The following HTT variants were observed in gnomAD, a reference collection of about 807,000 sequenced individuals.
HTT encodes the protein huntingtin, also known as huntington disease protein.
Under a neutral mutation model 362.3 loss-of-function variants are expected in HTT, and 104 were observed. The observed-to-expected ratio is 0.29, with a 90% confidence interval of 0.24 to 0.34. HTT has a LOEUF of 0.34. Among genes scored for constraint, HTT ranks in the 10% least tolerant of loss-of-function variants. The pLI, the probability that HTT is intolerant of heterozygous loss-of-function variation, is 1.00. For synonymous variants in HTT, 1,577 were observed against 1,548.7 expected (o/e 1.02, Z -0.43); for missense variants, 3,301 against 3,928.6 (o/e 0.84, Z 4.27).
chr4:3,101,160 A>C (rs1714132922), intron 3 of HTT, among the ~76,000 whole-genome samples: 1 of 152,174 alleles, frequency 6.6e-6, no homozygotes. Flanking sequence ...AAACTGTTCT[A>C]ATATTGGTCA....
Position 3,172,433 on chromosome 4 carries a change from G to C in HTT, c.3942+36G>C, listed in dbSNP as rs766258972. 36 of 1,365,588 alleles carry C rather than the reference G, an allele frequency of 2.6e-5. No individual in the cohort carries two copies. In the Middle Eastern group the frequency reaches 7.1e-4, roughly 27 times the overall value. The allele number at this position is 1,365,588 out of a possible 1,614,324, so 84.6% of individuals were successfully genotyped here. ...CATTCTTTTCCTCTTCTGTTAAGAC[G>C]TTCGGGTATGACAGCAAAACGCTGC... On this transcript the variant is annotated intron_variant, in intron 30 of 66. Coordinates refer to ENST00000355072, the MANE Select transcript of HTT (RefSeq NM_001388492.1).
At position 3,078,747 on chromosome 4, in the gene HTT, T is replaced by TC. The variant is rs34468472; in HGVS notation, c.263+3664dup. Among the ~76,000 whole-genome samples the TC allele has an allele frequency of 5.2e-3, 751 of 145,550 alleles. 5 individuals carry two copies. The highest frequency in any genetic ancestry group is 0.018 in the African/African-American group (681 of 37,114). Reference sequence around the variant, plus strand: ...CCATGCCTGGGTAATTTTTTTTTTTTCCCCCGAGACGGAGTCTTGCTCTGT... The same window carrying TC: ...CCATGCCTGGGTAATTTTTTTTTTTTCCCCCCGAGACGGAGTCTTGCTCTGT... On this transcript the variant is annotated intron_variant, in intron 1 of 66. Transcript: ENST00000355072.
chr4:3,223,744 G>A (rs1252850268), intron 55 of HTT, among the ~76,000 whole-genome samples, 184 bp downstream of exon 55: 7 of 152,208 alleles, frequency 4.6e-5, no homozygotes, highest in Non-Finnish European at 7.3e-5. Context: ...GTGAGAAGCT[G>A]GAAACGTGAC....
chr4:3,083,434 G>T (rs940298972), intron 1 of HTT, among the ~76,000 whole-genome samples: 3 of 151,788 alleles, frequency 2.0e-5, no homozygotes, highest in Non-Finnish European at 4.4e-5. Flanking sequence ...GGAGGCTGGA[G>T]GATTGCTTGA....
At chr4:3,177,440 G>T in intron 34 of HTT, 53 bp downstream of exon 34, 1 of 1,191,974 alleles carries the variant, frequency 8.4e-7, no homozygotes. Context: ...GTACTTACAT[G>T]TAATTTAGGT....
intron 40 of HTT, 138 bp downstream of exon 40, chr4:3,189,231 A>G (rs982569901): frequency 4.8e-6 from 4 of 829,970 alleles, no homozygotes; most frequent in Non-Finnish European, 7.7e-6. Context: ...TGTTGCTGTA[A>G]GAGTACACCT....
Position 3,115,365 on chromosome 4 carries a change from C to T in HTT, c.809C>T (p.Ala270Val), listed in dbSNP as rs894672916. 2.5e-6 allele frequency: 4 copies of T among 1,613,844 alleles called. No homozygotes were observed. The highest frequency in any genetic ancestry group is 3.4e-6 in the Non-Finnish European group (4 of 1,179,752). Reference protein sequence around the residue: ...KSSSPTIRRTAAGSAVSICQH... With the variant: ...KSSSPTIRRTVAGSAVSICQH... The stretch of plus-strand genomic sequence containing the variant: ...AGCTCCCCCACCATTCGGCGGACAG[C>T]GGCTGGATCAGCAGTGAGCATCTGC... Residue 270 changes from alanine (A) to valine (V), a missense_variant, in exon 7 of 67, where the codon GCG (alanine) becomes GTG (valine). Ala to Val is a moderately conservative substitution (Grantham distance 64). Transcript: ENST00000355072.
chr4:3,222,401 A>T lies in HTT; in HGVS notation c.7384A>T (p.Thr2462Ser). 13 of 1,613,844 alleles carry T rather than the reference A, an allele frequency of 8.1e-6. No homozygotes were observed. The highest frequency in any genetic ancestry group is 1.1e-5 in the Non-Finnish European group (13 of 1,179,778). Residue 2462 changes from threonine to serine, a missense_variant, in exon 54 of 67, where the codon ACT becomes TCT. Transcript: ENST00000355072. Reference protein sequence around the residue: ...RINTLGWTSRTQFEETWATLL... With the variant: ...RINTLGWTSRSQFEETWATLL... ...TATATTTCTAGGCTGGACCAGTCGTACTCAGTTTGAAGAAACTTGGGCCAC... is the reference window on the plus strand; with the variant it reads ...TATATTTCTAGGCTGGACCAGTCGTTCTCAGTTTGAAGAAACTTGGGCCAC...
Position 3,182,864 on chromosome 4 carries a change from T to G in HTT, c.4866+394T>G, listed in dbSNP as rs115958232. On this transcript the variant is annotated intron_variant, in intron 37 of 66. Coordinates refer to ENST00000355072, the MANE Select transcript of HTT (RefSeq NM_001388492.1). ...GTTTTTGTTACCTTACTGCTTGTAATTTAGCAGTTTTCCTTTCCTTTCCCT... is the reference window on the plus strand; with the variant it reads ...GTTTTTGTTACCTTACTGCTTGTAAGTTAGCAGTTTTCCTTTCCTTTCCCT... Among the ~76,000 whole-genome samples, 189 of 152,292 alleles carry G rather than the reference T, an allele frequency of 1.2e-3. 1 individual carries two copies. Among genetic ancestry groups the G allele is most frequent in the African/African-American group, 4.5e-3 (185 of 41,556 alleles).
At chr4:3,079,054 C>T (rs914273894) in intron 1 of HTT, among the ~76,000 whole-genome samples, 1 of 151,674 alleles carries the variant, frequency 6.6e-6, no homozygotes, top group Admixed American at 6.6e-5. Context: ...CCCGGCCACG[C>T]CTGGGTAATT....
chr4:3,080,329 A>G lies in HTT; in HGVS notation c.263+5241A>G, dbSNP rs1298946996. Among the ~76,000 whole-genome samples the G allele has an allele frequency of 2.0e-5, 3 of 152,006 alleles. No homozygotes were observed. In the East Asian group the frequency reaches 5.8e-4, roughly 29 times the overall value. Reference sequence around the variant, plus strand: ...AGGCTGGTCTCGAACTTCTGACCTCAGGTGATCCACTCGCCTCAGCCTGCC... The same window carrying G: ...AGGCTGGTCTCGAACTTCTGACCTCGGGTGATCCACTCGCCTCAGCCTGCC... On this transcript the variant is annotated intron_variant, in intron 1 of 66. Transcript: ENST00000355072.
chr4:3,124,678 G>T (rs73191193), intron 10 of HTT, among the ~76,000 whole-genome samples: 6 of 152,340 alleles, frequency 3.9e-5, no homozygotes, highest in Non-Finnish European at 8.8e-5. Context: ...TCAAGGTAAA[G>T]AACTTATTTT....
At position 3,235,555 on chromosome 4, in the gene HTT, C is replaced by G; in HGVS notation, c.8572-10C>G. The G allele has an allele frequency of 1.2e-6, 2 of 1,613,180 alleles. No homozygotes were observed. Among genetic ancestry groups the G allele is most frequent in the East Asian group, 2.2e-5 (1 of 44,868 alleles). On this transcript the variant is annotated splice_polypyrimidine_tract_variant and intron_variant, in intron 62 of 66. Coordinates refer to ENST00000355072, the MANE Select transcript of HTT (RefSeq NM_001388492.1). ...GATTCTTTGACACAGAGGCCTTTCT[C>G]CCTGTGCAGATGTGTGGGGTGATGC... is the stretch of plus-strand genomic sequence containing the variant.
At chr4:3,081,228 T>G (rs1712881220) in intron 1 of HTT, among the ~76,000 whole-genome samples, 1 of 152,166 alleles carries the variant, frequency 6.6e-6, no homozygotes, top group Non-Finnish European at 1.5e-5. Flanking sequence ...GGGCAAACTT[T>G]GTGTAAATGG....
At chr4:3,222,532 C>A in intron 54 of HTT, 45 bp downstream of exon 54, 1 of 1,400,490 alleles carries the variant, frequency 7.1e-7, no homozygotes, top group Non-Finnish European at 1.0e-6. Context: ...CAGTTATGGC[C>A]GCTTGCAGGC....
At chr4:3,216,810 G>C (rs1327226871) in intron 51 of HTT, among the ~76,000 whole-genome samples, 1 of 152,116 alleles carries the variant, frequency 6.6e-6, no homozygotes, top group Non-Finnish European at 1.5e-5. Flanking sequence ...CGGATCACGA[G>C]GTCAGGAGAT....
At chr4:3,236,317 C>A in intron 64 of HTT, 63 bp downstream of exon 64, 1 of 1,127,692 alleles carries the variant, frequency 8.9e-7, no homozygotes, top group Non-Finnish European at 1.4e-6. Context: ...TGAAGCTGTG[C>A]TTTTGTGTGT....
chr4:3,179,969 ATT>A (rs1292554123), intron 35 of HTT, among the ~76,000 whole-genome samples: 1 of 152,104 alleles, frequency 6.6e-6, no homozygotes, highest in Non-Finnish European at 1.5e-5. Flanking sequence ...CATTTCTTAT[ATT>A]TTTTTATATG....
rs143919422 is a variant in HTT at position 3,176,330 on chromosome 4, G to A, written c.4408-1002G>A. Among the ~76,000 whole-genome samples the A allele has an allele frequency of 3.7e-4, 56 of 152,262 alleles. No homozygotes were observed. In the East Asian group the frequency reaches 9.9e-3, roughly 27 times the overall value. ...GCGTGAGCCACCGCGCCCGGCCTGG[G>A]GTCTGCTTTTAATGAAGGAGGCATC... On this transcript the variant is annotated intron_variant, in intron 33 of 66. Coordinates refer to ENST00000355072, the MANE Select transcript of HTT (RefSeq NM_001388492.1).
Sources: gnomAD v4.1 joint callset for allele counts (sites outside exome capture counted in the v4.1 genomes callset) on GRCh38, gnomAD v4.1.1 for gene constraint, MANE v1.5 for transcripts, NCBI Gene and HGNC (gene_info 2026-07-23, HGNC 2026-07-21) for gene names.